Variants in ACSM6 observed in about 807,000 individuals in gnomAD.
ACSM6 encodes the protein acyl-CoA synthetase medium chain family member 6, also known as acyl-coenzyme A synthetase ACSM6, mitochondrial.
A neutral mutation model predicts 51.1 loss-of-function variants in ACSM6; 35 were observed. The ratio of observed to expected loss-of-function variants is 0.69; its 90% confidence interval spans 0.52 to 0.91. The LOEUF (loss-of-function observed/expected upper bound fraction) is 0.91. Ranked by LOEUF, ACSM6 falls within the 40% of genes least tolerant of loss-of-function variation. The probability of loss-of-function intolerance (pLI) is 0.00; values close to 1 mark genes in which losing one functional copy is unlikely to be tolerated. For synonymous variants in ACSM6, 172 were observed against 207.3 expected (o/e 0.83, Z 1.46); for missense variants, 509 against 584.1 (o/e 0.87, Z 1.32).
chr10:95,228,876 T>G, exon 11 of ACSM6: 1 of 1,262,444 alleles, frequency 7.9e-7, no homozygotes. Flanking sequence ...ATTTCTAAAG[T>G]TTAGAAAATG....
Position 95,201,510 on chromosome 10 carries a change from A to G in ACSM6, c.193-475A>G, listed in dbSNP as rs913991596. On this transcript the variant is annotated intron_variant, in intron 2 of 10. Transcript: ENST00000341686. ...TTTCATTCTTTTCCATGGCTGAGTA[A>G]TATTCCATGTTGTATGTATACCACA... is the stretch of plus-strand genomic sequence containing the variant. 23 of 455,750 alleles carry G rather than the reference A, an allele frequency of 5.0e-5. No individual in the cohort carries two copies. The Admixed American group carries it at 5.4e-4, about 11-fold the overall frequency. The allele number at this position is 455,750 out of a possible 1,614,324, so 28.2% of individuals were successfully genotyped here.
In ACSM6 at chr10:95,207,468, A is replaced by C. The variant is rs533882121; in HGVS notation, c.611+53A>C. 4.5e-5 allele frequency: 70 copies of C among 1,557,958 alleles called. No homozygotes were observed. In the African/African-American group the frequency reaches 7.0e-4, roughly 16 times the overall value. ...TAAATGAAGGAAATGTTTGACTTTG[A>C]AAGATGATGATATATGAGAAAGTGG... is the stretch of plus-strand genomic sequence containing the variant. On this transcript the variant is annotated intron_variant, in intron 4 of 10. Transcript: ENST00000341686.
chr10:95,225,647 C>T (rs2035030133), intron 10 of ACSM6: 1 of 326,192 alleles, frequency 3.1e-6, no homozygotes, highest in South Asian at 9.1e-5. Flanking sequence ...GACACTTTGT[C>T]CTTAAATATT....
exon 4 of ACSM6, chr10:95,207,213 A>G: frequency 6.2e-7 from 1 of 1,613,932 alleles, no homozygotes; most frequent in South Asian, 1.1e-5. Context: ...TTCAGGAATC[A>G]CCTTTGTGCC....
At chr10:95,203,149 T>C (rs558913903) in intron 3 of ACSM6, among the ~76,000 whole-genome samples, 2 of 152,102 alleles carry the variant, frequency 1.3e-5, no homozygotes, top group East Asian at 3.9e-4. Flanking sequence ...CATTAGATTC[T>C]CATAGGAGCG....
At chr10:95,228,021 G>C (rs538682147) in intron 10 of ACSM6, among the ~76,000 whole-genome samples, 1 of 151,576 alleles carries the variant, frequency 6.6e-6, no homozygotes. Flanking sequence ...GCAGTGAGCC[G>C]ACATCACACC....
intron 8 of ACSM6, among the ~76,000 whole-genome samples, chr10:95,215,884 G>A (rs940571673): frequency 3.3e-5 from 5 of 152,184 alleles, no homozygotes; most frequent in Non-Finnish European, 7.3e-5. Context: ...GGGAGAGAGA[G>A]AGAGACCAAG....
intron 5 of ACSM6, among the ~76,000 whole-genome samples, chr10:95,211,095 G>A (rs536121220): frequency 2.0e-5 from 3 of 152,292 alleles, no homozygotes; most frequent in African/African-American, 2.4e-5. Flanking sequence ...TATGCTACCA[G>A]CACCAGGGTG....
At chr10:95,211,837 C>T in intron 5 of ACSM6, 41 bp from the exon 6 acceptor site, 1 of 1,546,238 alleles carries the variant, frequency 6.5e-7, no homozygotes, top group African/African-American at 1.4e-5. Context: ...TTGCTAGTAC[C>T]AGCACGAGAG....
Position 95,210,893 on chromosome 10 carries a change from G to C in ACSM6, c.755+100G>C, listed in dbSNP as rs566022183. 18 of 1,367,672 alleles carry C rather than the reference G, an allele frequency of 1.3e-5. No homozygotes were observed. The African/African-American group carries it at 2.2e-4, about 17-fold the overall frequency. The allele number at this position is 1,367,672 out of a possible 1,614,324, so 84.7% of individuals were successfully genotyped here. On this transcript the variant is annotated intron_variant, in intron 5 of 10. Transcript: ENST00000341686. ...GCTAAGAAAGGAGTTTCTTACTCAA[G>C]ACTGCAGAAAGTGTCAATATTGAGA...
At chr10:95,222,420 C>T (rs932478019) in intron 9 of ACSM6, among the ~76,000 whole-genome samples, 12 of 152,058 alleles carry the variant, frequency 7.9e-5, no homozygotes, top group South Asian at 2.1e-4. Context: ...GCCAGGAGTT[C>T]GAGACCAGCC....
intron 8 of ACSM6, among the ~76,000 whole-genome samples, chr10:95,216,818 G>C (rs2034949602): frequency 6.6e-6 from 1 of 152,162 alleles, no homozygotes; most frequent in Non-Finnish European, 1.5e-5. Context: ...TGTGGATGTA[G>C]AATAGTTCCT....
intron 4 of ACSM6, among the ~76,000 whole-genome samples, chr10:95,208,705 T>G (rs1000275073): frequency 2.6e-5 from 4 of 152,032 alleles, no homozygotes; most frequent in African/African-American, 9.7e-5. Flanking sequence ...ATTATTTGTT[T>G]TTGTTTTTAA....
intron 8 of ACSM6, among the ~76,000 whole-genome samples, chr10:95,216,764 G>T (rs2034949022): frequency 6.6e-6 from 1 of 152,122 alleles, no homozygotes; most frequent in Non-Finnish European, 1.5e-5. Flanking sequence ...CAGGTCTCTG[G>T]AAAGGTAACT....
chr10:95,201,294 A>G (rs2034792073), intron 2 of ACSM6: 1 of 364,696 alleles, frequency 2.7e-6, no homozygotes, highest in African/African-American at 2.1e-5. Context: ...AGTACCAAAT[A>G]GGTAATTTTG....
At chr10:95,226,988 C>CT (rs11342263) in intron 10 of ACSM6, among the ~76,000 whole-genome samples, 1,595 of 140,154 alleles carry the variant, frequency 0.011, 20 homozygotes, top group African/African-American at 0.028. Flanking sequence ...TATATGACAA[C>CT]TTTTTTTTTT....
intron 3 of ACSM6, among the ~76,000 whole-genome samples, chr10:95,205,867 T>C (rs1218476791): frequency 6.6e-6 from 1 of 152,198 alleles, no homozygotes; most frequent in African/African-American, 2.4e-5. Context: ...GGTAACTTGA[T>C]AGCTATAAGA....
intron 2 of ACSM6, among the ~76,000 whole-genome samples, chr10:95,200,956 C>T (rs538718665): frequency 6.4e-4 from 97 of 152,250 alleles, no homozygotes; most frequent in African/African-American, 2.3e-3. Flanking sequence ...GAGGAGAAGG[C>T]TCAGCTAGAA....
intron 2 of ACSM6, among the ~76,000 whole-genome samples, chr10:95,200,800 C>T (rs952190124): frequency 2.1e-5 from 3 of 141,912 alleles, no homozygotes; most frequent in Admixed American, 7.4e-5. Flanking sequence ...GGGAAAGAGG[C>T]GAGAGATGGG....
Sources: allele counts gnomAD v4.1 joint callset (sites outside exome capture counted in the v4.1 genomes callset), GRCh38; gene constraint gnomAD v4.1.1; transcripts MANE v1.5; gene names NCBI Gene and HGNC (gene_info 2026-07-23, HGNC 2026-07-21).